The following HDAC2 variants were observed in gnomAD, a reference collection of about 807,000 sequenced individuals.
HDAC2 encodes histone deacetylase 2.
In HDAC2, 5 loss-of-function variants were observed where a neutral mutation model predicts 68.5. The ratio of observed to expected loss-of-function variants is 0.07; its 90% CI spans 0.04 to 0.15. HDAC2 has a LOEUF of 0.15. Ranked by LOEUF, HDAC2 falls within the 10% of genes least tolerant of loss-of-function variation. HDAC2 has a pLI of 1.00. For synonymous variants in HDAC2, 182 were observed against 191.3 expected (o/e 0.95, Z 0.40); for missense variants, 291 against 600.8 (o/e 0.48, Z 5.39).
chr6:113,950,446 T>A (rs573500987), intron 6 of HDAC2, among the ~76,000 whole-genome samples: 2 of 151,686 alleles, frequency 1.3e-5, no homozygotes, highest in Non-Finnish European at 2.9e-5. Context: ...AGTGGCATGA[T>A]CTCGGCTCAC....
At chr6:113,955,879 A>G (rs1776541732) in intron 5 of HDAC2, 134 bp downstream of exon 5, 1 of 614,996 alleles carries the variant, frequency 1.6e-6, no homozygotes, top group Non-Finnish European at 2.6e-6. Flanking sequence ...TTTGTAATGA[A>G]TTCATAGAAA....
intron 8 of HDAC2, chr6:113,947,682 C>G (rs1053430031): frequency 6.6e-6 from 1 of 152,240 alleles, no homozygotes; most frequent in Non-Finnish European, 1.5e-5. Flanking sequence ...TGGTTATTAA[C>G]ACATTAAGTT....
intron 6 of HDAC2, 24 bp downstream of exon 6, chr6:113,953,253 T>C: frequency 6.3e-7 from 1 of 1,580,766 alleles, no homozygotes; most frequent in Non-Finnish European, 8.7e-7. Context: ...TCACAATATT[T>C]TTTCAGACAG....
In HDAC2 at chr6:113,938,197, A is replaced by G. The variant is rs554387149; in HGVS notation, c.*2861T>C. ...TAGGTTTAAAAAACTAAGTTAAAAA[A>G]TAAGTCTCTCTATAGCTTTTTATTT... On this transcript the variant is annotated 3_prime_UTR_variant, in exon 14 of 14. Transcript: ENST00000519065. The G allele has an allele frequency of 6.6e-6, 1 of 152,236 alleles. No homozygotes were observed. The highest frequency in any genetic ancestry group is 6.5e-5 in the Admixed American group (1 of 15,280). The allele number at this position is 152,236 out of a possible 1,614,324, so 9.4% of individuals were successfully genotyped here.
At position 113,971,114 on chromosome 6, in the gene HDAC2, C is replaced by T; in HGVS notation, c.-206G>A. 2.0e-6 allele frequency: 3 copies of T among 1,515,064 alleles called. No homozygotes were observed. The highest frequency in any genetic ancestry group is 2.4e-5 in the South Asian group (2 of 83,486). The allele number at this position is 1,515,064 out of a possible 1,614,324, so 93.9% of individuals were successfully genotyped here. A position where few individuals can be genotyped will look rare whatever the true frequency, so the allele number is the denominator to read the frequency against. On this transcript the variant is annotated 5_prime_UTR_variant, in exon 1 of 14. Transcript: ENST00000519065. ...GGCAGAGGTGCCGAAAGCTCGGAAT[C>T]GGAGGTGGCAGCGGCACCAACTCGC... is the stretch of plus-strand genomic sequence containing the variant.
chr6:113,968,704 A>G (rs989103579), intron 1 of HDAC2: 1 of 152,200 alleles, frequency 6.6e-6, no homozygotes, highest in African/African-American at 2.4e-5. Context: ...GGGCTACAAT[A>G]AAGTATCATA....
chr6:113,947,683 A>T (rs1231601969), intron 8 of HDAC2: 2 of 152,202 alleles, frequency 1.3e-5, no homozygotes, highest in African/African-American at 4.8e-5. Flanking sequence ...GGTTATTAAC[A>T]CATTAAGTTA....
intron 8 of HDAC2, chr6:113,947,646 GT>G (rs1293881441): frequency 6.6e-6 from 1 of 152,068 alleles, no homozygotes; most frequent in Non-Finnish European, 1.5e-5. Flanking sequence ...ATTTTAGAAA[GT>G]TTATAAACAT....
intron 1 of HDAC2, among the ~76,000 whole-genome samples, chr6:113,962,657 T>G (rs1291734835): frequency 6.6e-6 from 1 of 152,116 alleles, no homozygotes. Context: ...TACAGATAAT[T>G]TTTTGGTTTA....
chr6:113,947,394 G>A (rs1776288780), intron 8 of HDAC2: 2 of 152,134 alleles, frequency 1.3e-5, no homozygotes, highest in Non-Finnish European at 2.9e-5. Context: ...TGAAAAAGCT[G>A]AATCAAAGCT....
intron 1 of HDAC2, among the ~76,000 whole-genome samples, chr6:113,961,813 G>C (rs1776690140): frequency 6.6e-6 from 1 of 152,144 alleles, no homozygotes. Flanking sequence ...TGAAAGTCTA[G>C]TCTTCACTAG....
At chr6:113,954,264 T>C (rs569965873) in intron 5 of HDAC2, among the ~76,000 whole-genome samples, 1 of 152,340 alleles carries the variant, frequency 6.6e-6, no homozygotes, top group South Asian at 2.1e-4. Flanking sequence ...TATTATATAA[T>C]GGTGCCATAA....
chr6:113,948,652 T>C (rs1428986018), intron 8 of HDAC2: 1 of 217,794 alleles, frequency 4.6e-6, no homozygotes, highest in African/African-American at 2.3e-5. Context: ...ACCCTCTTCT[T>C]CCTTAATGAG....
rs1775979495 is a variant in HDAC2 at position 113,935,314 on chromosome 6, A to G, written c.*5744T>C. 1 of 152,248 alleles carries G rather than the reference A, an allele frequency of 6.6e-6. No homozygotes were observed. Among genetic ancestry groups the G allele is most frequent in the Non-Finnish European group, 1.5e-5 (1 of 68,042 alleles). 9.4% of individuals were successfully genotyped at this position (152,248 alleles called of 1,614,324 possible). A position where few individuals can be genotyped will look rare whatever the true frequency, so the allele number is the denominator to read the frequency against. On this transcript the variant is annotated 3_prime_UTR_variant, in exon 14 of 14. Coordinates refer to ENST00000519065, the MANE Select transcript of HDAC2 (RefSeq NM_001527.4). ...AAACATTATTTGTTGCCAGAAGTGT[A>G]ATGACTTTTTGTTGGTATTTGTTAA... is the stretch of plus-strand genomic sequence containing the variant.
At chr6:113,963,250 A>G (rs1412578403) in intron 1 of HDAC2, among the ~76,000 whole-genome samples, 2 of 151,630 alleles carry the variant, frequency 1.3e-5, no homozygotes. Context: ...TACCCGGCTA[A>G]TTTTTGTATT....
chr6:113,965,217 T>C (rs2114619885), intron 1 of HDAC2, among the ~76,000 whole-genome samples: 1 of 152,340 alleles, frequency 6.6e-6, no homozygotes, highest in South Asian at 2.1e-4. Context: ...TCCTTCCCAT[T>C]AAGTGCACCA....
In HDAC2 at chr6:113,948,960, C is replaced by T. The variant is rs1447423677; in HGVS notation, c.841+19G>A. On this transcript the variant is annotated intron_variant, in intron 8 of 13. Coordinates refer to ENST00000519065, the MANE Select transcript of HDAC2 (RefSeq NM_001527.4). Reference sequence around the variant, plus strand: ...AAAAACCATTTTTTTCTGGAAATACCACCCTTTGAATTGCTTACCTTTGAC... The same window carrying T: ...AAAAACCATTTTTTTCTGGAAATACTACCCTTTGAATTGCTTACCTTTGAC... 1.2e-6 allele frequency: 2 copies of T among 1,606,070 alleles called. No individual in the cohort carries two copies. The highest frequency in any genetic ancestry group is 2.7e-5 in the African/African-American group (2 of 74,606).
chr6:113,967,696 GT>G (rs1355693597), intron 1 of HDAC2, among the ~76,000 whole-genome samples: 1 of 152,200 alleles, frequency 6.6e-6, no homozygotes, highest in Non-Finnish European at 1.5e-5. Flanking sequence ...TATTAAAAAT[GT>G]GAGTGGTATA....
Position 113,941,028 on chromosome 6 carries a change from G to T in HDAC2, c.*30C>A. On this transcript the variant is annotated 3_prime_UTR_variant, in exon 14 of 14. Transcript: ENST00000519065. ...TTCCTTTCAATATTTTCTTTTTAAT[G>T]ATTTTCTGAAATTGGTGAGACTGTC... is the stretch of plus-strand genomic sequence containing the variant. 1.9e-6 allele frequency: 3 copies of T among 1,577,824 alleles called. No individual in the cohort carries two copies. Among genetic ancestry groups the T allele is most frequent in the Non-Finnish European group, 2.6e-6 (3 of 1,152,412 alleles).
Sources: allele counts gnomAD v4.1 joint callset (sites outside exome capture counted in the v4.1 genomes callset), GRCh38; gene constraint gnomAD v4.1.1; transcripts MANE v1.5; gene names NCBI Gene and HGNC (gene_info 2026-07-23, HGNC 2026-07-21).